Variants in PCDHGA1 observed in about 807,000 individuals in gnomAD.
The protein encoded by PCDHGA1 is protocadherin gamma subfamily A, 1.
In PCDHGA1, 32 loss-of-function variants were observed where a neutral mutation model predicts 58.0. The observed-to-expected ratio is 0.55, with a 90% CI of 0.42 to 0.74. PCDHGA1 has a LOEUF of 0.74. Ranked by LOEUF, PCDHGA1 falls within the 30% of genes least tolerant of loss-of-function variation. PCDHGA1 has a pLI of 0.00. For missense variants in PCDHGA1, 1,205 were observed against 1,182.3 expected (o/e 1.02, Z -0.28); for synonymous variants, 498 against 501.1 (o/e 0.99, Z 0.08).
rs1768012358 is a variant in PCDHGA1 at position 141,371,760 on chromosome 5, T to G, written c.2421+38655T>G. ...CAACGTTCCCGTTTTCCACCAGGCC[T>G]CCTACACCGTGCATGTAGCTGAGAA... On this transcript the variant is annotated intron_variant, in intron 1 of 3. Coordinates refer to ENST00000517417, the MANE Select transcript of PCDHGA1 (RefSeq NM_018912.3). 3 of 1,613,860 alleles carry G rather than the reference T, an allele frequency of 1.9e-6. No individual in the cohort carries two copies. The South Asian group carries it at 3.3e-5, about 18-fold the overall frequency.
intron 1 of PCDHGA1, chr5:141,339,748 C>T (rs1220367601): frequency 1.2e-6 from 2 of 1,613,978 alleles, no homozygotes; most frequent in African/African-American, 2.7e-5. Flanking sequence ...TCGTGGGCAC[C>T]CGGATACTCA....
At chr5:141,351,338 A>T in intron 1 of PCDHGA1, 2 of 1,613,576 alleles carry the variant, frequency 1.2e-6, no homozygotes, top group Non-Finnish European at 1.7e-6. Context: ...AGACCTTGGA[A>T]CTGTAATAGC....
chr5:141,383,272 G>T (rs369691483), intron 1 of PCDHGA1: 13 of 1,613,802 alleles, frequency 8.1e-6, no homozygotes, highest in African/African-American at 1.3e-5. Flanking sequence ...GGAAATAATA[G>T]ATATTAATGA....
intron 1 of PCDHGA1, chr5:141,420,067 A>C (rs2096463342): frequency 6.2e-7 from 1 of 1,614,034 alleles, no homozygotes; most frequent in Non-Finnish European, 8.5e-7. Flanking sequence ...CCAAGTCCGG[A>C]CCTGTGGGTC....
rs1224515106 is a variant in PCDHGA1 at position 141,491,453 on chromosome 5, C to T, written c.2422-3354C>T. On this transcript the variant is annotated intron_variant, in intron 1 of 3. Transcript: ENST00000517417. The surrounding 1 kb of genome is among the most constrained non-coding windows in gnomAD (Gnocchi z 6.9). ...TGCTGCAGGCGCCAGGACTCACCCT[C>T]CCCGGACTTCTATAAGCAGTCCAGC... The T allele has an allele frequency of 6.2e-6, 10 of 1,614,120 alleles. No homozygotes were observed. The highest frequency in any genetic ancestry group is 8.5e-6 in the Non-Finnish European group (10 of 1,180,028).
intron 1 of PCDHGA1, among the ~76,000 whole-genome samples, chr5:141,387,387 G>C (rs2090926240): frequency 6.6e-6 from 1 of 152,214 alleles, no homozygotes; most frequent in Non-Finnish European, 1.5e-5. Context: ...TATATAGATA[G>C]TGCATGTTTG....
chr5:141,383,890 G>A lies in PCDHGA1; in HGVS notation c.2421+50785G>A, dbSNP rs1274384804. 3.1e-6 allele frequency: 5 copies of A among 1,613,936 alleles called. No individual in the cohort carries two copies. Among genetic ancestry groups the A allele is most frequent in the Non-Finnish European group, 4.2e-6 (5 of 1,179,896 alleles). On this transcript the variant is annotated intron_variant, in intron 1 of 3. Transcript: ENST00000517417. The stretch of plus-strand genomic sequence containing the variant: ...AGATGGTCCTGGTAGTCTGACAAAG[G>A]CAAAAGTACTGATCACAGTTTTAGA...
intron 1 of PCDHGA1, chr5:141,372,185 C>T: frequency 6.2e-7 from 1 of 1,613,630 alleles, no homozygotes; most frequent in Non-Finnish European, 8.5e-7. Context: ...TGGACGCAGA[C>T]TCGGGATACA....
chr5:141,393,126 A>C (rs1216742718), intron 1 of PCDHGA1: 1 of 1,613,316 alleles, frequency 6.2e-7, no homozygotes, highest in East Asian at 2.2e-5. Context: ...GTGTCTGATA[A>C]ATATTAACAC....
chr5:141,365,012 A>G (rs1309716907), intron 1 of PCDHGA1: 2 of 1,613,794 alleles, frequency 1.2e-6, no homozygotes, highest in African/African-American at 2.7e-5. Context: ...CACCACGCAC[A>G]TCCGTGTTAC....
At chr5:141,375,541 A>C (rs566370523) in intron 1 of PCDHGA1, 1 of 1,613,904 alleles carries the variant, frequency 6.2e-7, no homozygotes, top group South Asian at 1.1e-5. Flanking sequence ...AGAACGCCCA[A>C]GTCTCCTACT....
chr5:141,475,577 T>C (rs2099365697), intron 1 of PCDHGA1, among the ~76,000 whole-genome samples: 1 of 152,228 alleles, frequency 6.6e-6, no homozygotes, highest in Non-Finnish European at 1.5e-5. Context: ...ACAAGCCAGA[T>C]TTGTTGGTGT....
At chr5:141,371,997 C>G in intron 1 of PCDHGA1, 6 of 1,613,232 alleles carry the variant, frequency 3.7e-6, no homozygotes, top group South Asian at 1.1e-5. Context: ...TCTGCAGGCC[C>G]GCGACCAGGG....
In PCDHGA1 at chr5:141,432,330, A is replaced by G. The variant is rs760184218; in HGVS notation, c.2422-62477A>G. 82 of 1,614,134 alleles carry G rather than the reference A, an allele frequency of 5.1e-5. No individual in the cohort carries two copies. The highest frequency in any genetic ancestry group is 6.8e-5 in the Non-Finnish European group (80 of 1,180,048). Reference sequence around the variant, plus strand: ...GCGCTGAGCTCCTTCGACTACGAGCAGTTCCGAGACTTGCAAGTGAAAGTG... The same window carrying G: ...GCGCTGAGCTCCTTCGACTACGAGCGGTTCCGAGACTTGCAAGTGAAAGTG... On this transcript the variant is annotated intron_variant, in intron 1 of 3. Transcript: ENST00000517417. The surrounding 1 kb of genome is among the most constrained non-coding windows in gnomAD (Gnocchi z 6.0).
At chr5:141,378,717 A>AG (rs1263141486) in intron 1 of PCDHGA1, 3 of 152,242 alleles carry the variant, frequency 2.0e-5, no homozygotes, top group Non-Finnish European at 4.4e-5. Flanking sequence ...TTCATCATAT[A>AG]GGAACTCTTT....
intron 1 of PCDHGA1, chr5:141,394,168 T>A (rs1291860578): frequency 1.7e-5 from 27 of 1,613,634 alleles, no homozygotes; most frequent in Non-Finnish European, 2.2e-5. Flanking sequence ...CCTCCTACTT[T>A]CCCTCATGCC....
intron 1 of PCDHGA1, chr5:141,365,210 C>A: frequency 1.2e-6 from 2 of 1,613,928 alleles, no homozygotes; most frequent in Non-Finnish European, 1.7e-6. Flanking sequence ...GACTTTCCAA[C>A]TTGATTCCAA....
At chr5:141,357,481 G>A (rs1760624394) in intron 1 of PCDHGA1, 15 of 1,614,106 alleles carry the variant, frequency 9.3e-6, no homozygotes, top group Non-Finnish European at 1.3e-5. Context: ...CTCCCTCACC[G>A]CGGACTCGCG....
chr5:141,394,380 G>A (rs867131974), intron 1 of PCDHGA1: 2 of 1,614,196 alleles, frequency 1.2e-6, no homozygotes, highest in Non-Finnish European at 1.7e-6. Context: ...TTTCGACTAT[G>A]AGCAGATCCG....
Sources: allele counts gnomAD v4.1 joint callset (sites outside exome capture counted in the v4.1 genomes callset), GRCh38; gene constraint gnomAD v4.1.1; non-coding constraint Gnocchi (gnomAD v3.1); transcripts MANE v1.5; gene names NCBI Gene and HGNC (gene_info 2026-07-23, HGNC 2026-07-21).